ZNF384: variants seen among roughly 807,000 people sequenced by gnomAD.
ZNF384 encodes CAG repeat protein 1.
A neutral mutation model predicts 65.0 loss-of-function variants in ZNF384; 20 were observed. The ratio of observed to expected loss-of-function variants is 0.31; its 90% CI spans 0.22 to 0.45. The LOEUF (loss-of-function observed/expected upper bound fraction) is 0.45. ZNF384 is among the 20% of genes least tolerant of loss of function. ZNF384 has a pLI of 1.00. For missense variants in ZNF384, 549 were observed against 769.4 expected (o/e 0.71, Z 3.39); for synonymous variants, 310 against 303.9 (o/e 1.02, Z -0.21).
In ZNF384 at chr12:6,678,038, C is replaced by A. The variant is rs1264512380; in HGVS notation, c.686+89G>T. 3.1e-6 allele frequency: 4 copies of A among 1,284,080 alleles called. No individual in the cohort carries two copies. The highest frequency in any genetic ancestry group is 4.4e-6 in the Non-Finnish European group (4 of 918,020). The allele number at this position is 1,284,080 out of a possible 1,614,324, so 79.5% of individuals were successfully genotyped here. A position where few individuals can be genotyped will look rare whatever the true frequency, so the allele number is the denominator to read the frequency against. Reference sequence around the variant, plus strand: ...GCTGGGAAGCTGTCAGAGTGTAGCGCCTGACCGGGGCAGAACACAATGAGG... The same window carrying A: ...GCTGGGAAGCTGTCAGAGTGTAGCGACTGACCGGGGCAGAACACAATGAGG... On this transcript the variant is annotated intron_variant, in intron 6 of 11. Coordinates refer to ENST00000683879, the MANE Select transcript of ZNF384 (RefSeq NM_001385745.1). The surrounding 1 kb of genome is among the most constrained non-coding windows in gnomAD (Gnocchi z 4.9).
Position 6,679,096 on chromosome 12 carries a change from A to G in ZNF384, c.154T>C (p.Leu52=). ...GACACTGAGGCAGGCACTGTCAGCAAGGTGGGGTAGTGAGGTGGGGCCAGA... is the reference window on the plus strand; with the variant it reads ...GACACTGAGGCAGGCACTGTCAGCAGGGTGGGGTAGTGAGGTGGGGCCAGA... ...CGLAPPHYPT[L]LTVPASVSLP... is the part of the protein sequence containing the mutation. Residue 52 remains leucine, a synonymous_variant, in exon 4 of 12, where the codon TTG becomes CTG. Coordinates refer to ENST00000683879, the MANE Select transcript of ZNF384 (RefSeq NM_001385745.1). 1 of 1,614,042 alleles carries G rather than the reference A, an allele frequency of 6.2e-7. No individual in the cohort carries two copies. The highest frequency in any genetic ancestry group is 8.5e-7 in the Non-Finnish European group (1 of 1,179,904).
chr12:6,679,630 T>C, intron 2 of ZNF384, 105 bp from the exon 3 acceptor site: 1 of 841,026 alleles, frequency 1.2e-6, no homozygotes, highest in Non-Finnish European at 1.9e-6. Context: ...TGGCACCTGA[T>C]CACATGGCTG....
Position 6,678,223 on chromosome 12 carries a change from T to C in ZNF384, c.590A>G (p.Lys197Arg). 1 of 1,614,176 alleles carries C rather than the reference T, an allele frequency of 6.2e-7. No homozygotes were observed. Among genetic ancestry groups the C allele is most frequent in the Non-Finnish European group, 8.5e-7 (1 of 1,180,034 alleles). The change falls in exon 6 of 12, where the codon AAG becomes AGG. Residue 197 changes from lysine (K) to arginine (R), a missense_variant. By Grantham distance (26) the Lys-to-Arg change is conservative. Coordinates refer to ENST00000683879, the MANE Select transcript of ZNF384 (RefSeq NM_001385745.1). The surrounding 1 kb of genome is among the most constrained non-coding windows in gnomAD (Gnocchi z 4.9). ...APKPPRGRKKKRMLESGLPEM... is the reference protein window; with the variant it reads ...APKPPRGRKKRRMLESGLPEM... The stretch of plus-strand genomic sequence containing the variant: ...GGGCAGCCCTGATTCCAGCATCCGC[T>C]TCTTCTTCCGGCCCCGGGGTGGCTT...
Position 6,678,184 on chromosome 12 carries a change from G to A in ZNF384, c.629C>T (p.Pro210Leu). 6.2e-7 allele frequency: 1 copy of A among 1,614,164 alleles called. No homozygotes were observed. Among genetic ancestry groups the A allele is most frequent in the South Asian group, 1.1e-5 (1 of 91,086 alleles). The change falls in exon 6 of 12, where the codon CCT becomes CTT. Residue 210 changes from proline (P) to leucine (L), a missense_variant. Physicochemically the swap from Pro to Leu is moderately conservative, Grantham distance 98. Coordinates refer to ENST00000683879, the MANE Select transcript of ZNF384 (RefSeq NM_001385745.1). This position sits in a 1 kb window ranked among gnomAD's most constrained non-coding sequence, Gnocchi z 4.9. ...ATCATCCTCAGGGGAGAGGACATAAGGGTCATTCATCTCGGGCAGCCCTGA... is the reference window on the plus strand; with the variant it reads ...ATCATCCTCAGGGGAGAGGACATAAAGGTCATTCATCTCGGGCAGCCCTGA... The part of the protein sequence containing the change: ...LESGLPEMND[P>L]YVLSPEDDDD...
intron 7 of ZNF384, among the ~76,000 whole-genome samples, chr12:6,675,101 A>T (rs936002988): frequency 6.6e-6 from 1 of 152,232 alleles, no homozygotes; most frequent in African/African-American, 2.4e-5. Flanking sequence ...TTTAAAAAAT[A>T]ATAATAACCC....
At chr12:6,677,401 C>G in intron 6 of ZNF384, 142 bp from the exon 7 acceptor site, 5 of 889,412 alleles carry the variant, frequency 5.6e-6, no homozygotes, top group Non-Finnish European at 5.6e-6. Flanking sequence ...ACCAAACTCC[C>G]CAAACCCACT....
intron 3 of ZNF384, 116 bp downstream of exon 3, chr12:6,679,339 A>G: frequency 8.1e-7 from 1 of 1,228,662 alleles, no homozygotes; most frequent in Non-Finnish European, 1.2e-6. Context: ...CAGAAACACT[A>G]GATAATTCTC....
intron 1 of ZNF384, 109 bp downstream of exon 1, chr12:6,688,989 C>G (rs1014685260): frequency 3.3e-5 from 5 of 152,354 alleles, no homozygotes; most frequent in African/African-American, 1.2e-4. Context: ...GGGACGGACA[C>G]ACACACAGTC....
rs1954651927 is a variant in ZNF384 at position 6,678,562 on chromosome 12, C to T, written c.352+101G>A. On this transcript the variant is annotated intron_variant, in intron 5 of 11. Transcript: ENST00000683879. The surrounding 1 kb of genome is among the most constrained non-coding windows in gnomAD (Gnocchi z 4.9). ...ATTGTCTAATTAACCCCTCACCCCC[C>T]CGCCGACCCAACCCAGAGTACACAG... 1.3e-6 allele frequency: 2 copies of T among 1,547,972 alleles called. No homozygotes were observed. Among genetic ancestry groups the T allele is most frequent in the Non-Finnish European group, 8.9e-7 (1 of 1,128,690 alleles).
Position 6,672,024 on chromosome 12 carries a change from T to C in ZNF384, c.1187+326A>G, listed in dbSNP as rs1951693074. The C allele has an allele frequency of 4.2e-6, 1 of 236,338 alleles. No individual in the cohort carries two copies. The highest frequency in any genetic ancestry group is 2.3e-5 in the African/African-American group (1 of 43,966). The allele number at this position is 236,338 out of a possible 1,614,324, so 14.6% of individuals were successfully genotyped here. A position where few individuals can be genotyped will look rare whatever the true frequency, so the allele number is the denominator to read the frequency against. On this transcript the variant is annotated intron_variant, in intron 9 of 11. Transcript: ENST00000683879. The surrounding 1 kb of genome is among the most constrained non-coding windows in gnomAD (Gnocchi z 4.4). ...CTCTGTTTTGGCATCAAGGGGCAAA[T>C]CTTCCAAGATGGGTACATGAGTATT...
chr12:6,666,997 T>C lies in ZNF384; in HGVS notation c.*717A>G, dbSNP rs1224540841. The C allele has an allele frequency of 9.2e-6, 2 of 216,964 alleles. No individual in the cohort carries two copies. Among genetic ancestry groups the C allele is most frequent in the Non-Finnish European group, 1.9e-5 (2 of 107,876 alleles). 13.4% of individuals were successfully genotyped at this position (216,964 alleles called of 1,614,324 possible). On this transcript the variant is annotated 3_prime_UTR_variant, in exon 12 of 12. Transcript: ENST00000683879. The stretch of plus-strand genomic sequence containing the variant: ...GGGTGGGTTGGGGAGACTGAGAGTA[T>C]AGGGTCTTTGTAGGCAGAGAAGGAG...
intron 7 of ZNF384, among the ~76,000 whole-genome samples, chr12:6,675,258 G>A (rs1465082566): frequency 1.3e-5 from 2 of 152,176 alleles, no homozygotes; most frequent in African/African-American, 2.4e-5. Context: ...TGTTATGCCT[G>A]ACAGTGCCAG....
intron 2 of ZNF384, among the ~76,000 whole-genome samples, chr12:6,687,669 T>G (rs995165624): frequency 2.0e-5 from 3 of 152,182 alleles, no homozygotes; most frequent in African/African-American, 7.2e-5. Flanking sequence ...AAATTTCATC[T>G]TGCCATACCA....
Position 6,669,092 on chromosome 12 carries a change from G to A in ZNF384, c.1364C>T (p.Thr455Met), listed in dbSNP as rs2136398372. The change falls in exon 11 of 12, where the codon ACG becomes ATG. Residue 455 changes from threonine (T) to methionine (M), a missense_variant. Around this residue, in one of 5 missense-constraint regions of ZNF384, gnomAD observed 38 missense variants for 99.7 expected, o/e 0.38. Transcript: ENST00000683879. ...CACCTTGGCATGCTTCACTGTGTGC[G>A]TAGACAGGTGCACCTCTAGTGAGGC... ...DAASLEVHLS[T>M]HTVKHAKVYT... 4 of 1,614,002 alleles carry A rather than the reference G, an allele frequency of 2.5e-6. No individual in the cohort carries two copies. Among genetic ancestry groups the A allele is most frequent in the East Asian group, 4.5e-5 (2 of 44,880 alleles).
At chr12:6,676,152 A>G (rs981352288) in intron 7 of ZNF384, among the ~76,000 whole-genome samples, 3 of 152,146 alleles carry the variant, frequency 2.0e-5, no homozygotes, top group East Asian at 3.9e-4. Context: ...ATACAAAAGA[A>G]TTAGCTGGGC....
intron 2 of ZNF384, among the ~76,000 whole-genome samples, chr12:6,680,069 TCCAGGCTCAGCCTC>T (rs1422930426): frequency 6.6e-6 from 1 of 152,204 alleles, no homozygotes; most frequent in Non-Finnish European, 1.5e-5. Context: ...GCCTCAATCT[TCCAGGCTCAGCCTC>T]CCAGGGAGCT....
Position 6,669,020 on chromosome 12 carries a change from G to A in ZNF384, c.1425+11C>T, listed in dbSNP as rs1392943996. On this transcript the variant is annotated intron_variant, in intron 11 of 11. Transcript: ENST00000683879. ...GACTATGAGGAAGGAGAGAAGAAAC[G>A]GAGCACTCACTGATGTGTATGCCCG... 8.2e-6 allele frequency: 13 copies of A among 1,593,664 alleles called. No individual in the cohort carries two copies. Among genetic ancestry groups the A allele is most frequent in the African/African-American group, 1.3e-5 (1 of 74,360 alleles).
chr12:6,679,480 G>A lies in ZNF384; in HGVS notation c.41C>T (p.Pro14Leu), dbSNP rs868217081. The stretch of plus-strand genomic sequence containing the variant: ...CTGACCTGAGACTGTGGGGATAGAA[G>A]GCCAGAAGTACGGGTTAGAATTGAA... Reference protein sequence around the residue: ...SHFNSNPYFWPSIPTVSGQIE... With the variant: ...SHFNSNPYFWLSIPTVSGQIE... The change falls in exon 3 of 12, where the codon CCT becomes CTT. Residue 14 changes from proline to leucine, a missense_variant. By Grantham distance (98) the Pro-to-Leu change is moderately conservative. Transcript: ENST00000683879. 6.2e-7 allele frequency: 1 copy of A among 1,614,092 alleles called. No individual in the cohort carries two copies. Among genetic ancestry groups the A allele is most frequent in the Non-Finnish European group, 8.5e-7 (1 of 1,179,940 alleles).
At chr12:6,680,910 C>T (rs552799302) in intron 2 of ZNF384, among the ~76,000 whole-genome samples, 1 of 152,162 alleles carries the variant, frequency 6.6e-6, no homozygotes, top group East Asian at 1.9e-4. Flanking sequence ...ACTCCTGCTT[C>T]CTATTTCTCA....
Sources: gnomAD v4.1 joint callset for allele counts (sites outside exome capture counted in the v4.1 genomes callset) on GRCh38, gnomAD v4.1.1 for gene constraint, gnomAD v4.1.1 regional missense constraint, Gnocchi (gnomAD v3.1) non-coding constraint, MANE v1.5 for transcripts, NCBI Gene and HGNC (gene_info 2026-07-23, HGNC 2026-07-21) for gene names.